ITPR3: variants seen among roughly 807,000 people sequenced by gnomAD.
The protein encoded by ITPR3 is inositol 1,4,5-trisphosphate-gated calcium channel ITPR3.
ITPR3 carries 173 observed loss-of-function variants against 293.2 expected under a neutral mutation model. That is an observed-to-expected ratio of 0.59 (90% CI 0.52 to 0.67). The LOEUF is 0.67. Ranked by LOEUF, ITPR3 falls within the 30% of genes least tolerant of loss-of-function variation. ITPR3 has a pLI of 0.00. For synonymous variants in ITPR3, 1,295 were observed against 1,444.4 expected, an observed-to-expected ratio of 0.90 and a Z score of 2.35; for missense variants, 2,796 against 3,592.1, an observed-to-expected ratio of 0.78 and a Z score of 5.66.
In ITPR3 at chr6:33,661,699, A is replaced by G. The variant is rs373253929; in HGVS notation, c.712-829A>G. On this transcript the variant is annotated intron_variant, in intron 7 of 57. Coordinates refer to ENST00000605930, the MANE Select transcript of ITPR3 (RefSeq NM_002224.4). ...CTTATCTGAGGTCACACAGCTTTTA[A>G]GAGCAGAGACAGAGGCCGGGCACAG... Among the ~76,000 whole-genome samples, 5 of 152,284 alleles carry G rather than the reference A, an allele frequency of 3.3e-5. No individual in the cohort carries two copies. In the South Asian group the frequency reaches 6.2e-4, roughly 19 times the overall value.
chr6:33,675,425 CAA>C lies in ITPR3; in HGVS notation c.3117-252_3117-251del, dbSNP rs59595237. 1.3e-4 allele frequency among the ~76,000 whole-genome samples: 13 copies of C among 97,970 alleles called. No homozygotes were observed. The highest frequency in any genetic ancestry group is 8.6e-5 in the Non-Finnish European group (4 of 46,304). The allele number at this position is 97,970 out of a possible 152,430, so 64.3% of individuals were successfully genotyped here. ...TGGGTGACAGAGCAAGACTCTGTCTCAAAAAAAAAAAAAAAGAGTCCTTGCTT... is the reference window on the plus strand; with the variant it reads ...TGGGTGACAGAGCAAGACTCTGTCTCAAAAAAAAAAAAAGAGTCCTTGCTT... On this transcript the variant is annotated intron_variant, in intron 24 of 57. Transcript: ENST00000605930. This position sits in a 1 kb window ranked among gnomAD's most constrained non-coding sequence, Gnocchi z 5.0.
Position 33,688,298 on chromosome 6 carries a change from G to A in ITPR3, c.6435G>A (p.Gln2145=). The change falls in exon 48 of 58, where the codon CAG becomes CAA. Residue 2145 remains glutamine, a synonymous_variant. Transcript: ENST00000605930. ...TGTTCCCAGTGCCCGGCATCTGCCA[G>A]TTCCTGACGGAGGAAACCAAGCACC... ...QIVFPVPGIC[Q]FLTEETKHRL... The A allele has an allele frequency of 5.6e-6, 9 of 1,614,220 alleles. No individual in the cohort carries two copies. The highest frequency in any genetic ancestry group is 7.6e-6 in the Non-Finnish European group (9 of 1,180,030).
chr6:33,687,462 C>T lies in ITPR3; in HGVS notation c.6178-16C>T, dbSNP rs368205152. Reference sequence around the variant, plus strand: ...CAGCCACCACACCCTGGTGACTGTGCTGCCATTTCCCTCAGCTCTCCAGGC... The same window carrying T: ...CAGCCACCACACCCTGGTGACTGTGTTGCCATTTCCCTCAGCTCTCCAGGC... On this transcript the variant is annotated splice_polypyrimidine_tract_variant and intron_variant, in intron 45 of 57. Coordinates refer to ENST00000605930, the MANE Select transcript of ITPR3 (RefSeq NM_002224.4). The surrounding 1 kb of genome is among the most constrained non-coding windows in gnomAD (Gnocchi z 5.3). 3.7e-6 allele frequency: 6 copies of T among 1,604,238 alleles called. No homozygotes were observed. The highest frequency in any genetic ancestry group is 1.1e-5 in the South Asian group (1 of 89,756).
rs141841940 is a variant in ITPR3 at position 33,679,270 on chromosome 6, A to G, written c.3972+431A>G. 8.5e-5 allele frequency among the ~76,000 whole-genome samples: 13 copies of G among 152,234 alleles called. No individual in the cohort carries two copies. In the East Asian group the frequency reaches 2.5e-3, roughly 29 times the overall value. ...TCGCCAGGGCCCCAGTGTGTGGCGCATAGTAGGTTCTCAACAGACACCTGT... is the reference window on the plus strand; with the variant it reads ...TCGCCAGGGCCCCAGTGTGTGGCGCGTAGTAGGTTCTCAACAGACACCTGT... On this transcript the variant is annotated intron_variant, in intron 30 of 57. Transcript: ENST00000605930. The surrounding 1 kb of genome is among the most constrained non-coding windows in gnomAD (Gnocchi z 4.2).
Position 33,669,160 on chromosome 6 carries a change from C to T in ITPR3, c.2189+4C>T, listed in dbSNP as rs746813443. The T allele has an allele frequency of 6.2e-7, 1 of 1,611,804 alleles. No individual in the cohort carries two copies. Among genetic ancestry groups the T allele is most frequent in the South Asian group, 1.1e-5 (1 of 90,830 alleles). On this transcript the variant is annotated splice_donor_region_variant and intron_variant, in intron 18 of 57. Coordinates refer to ENST00000605930, the MANE Select transcript of ITPR3 (RefSeq NM_002224.4). The stretch of plus-strand genomic sequence containing the variant: ...AGAATGTGCTCAGCTACTACAGGTG[C>T]CCCGCCCCAGCTCCTCCCCTCCCTC...
intron 25 of ITPR3, 47 bp from the exon 26 acceptor site, chr6:33,676,721 T>C: frequency 6.2e-7 from 1 of 1,606,654 alleles, no homozygotes. Flanking sequence ...CTAAGTGGCA[T>C]GGACCTGGAG....
chr6:33,621,705 G>T lies in ITPR3; in HGVS notation c.89+14G>T, dbSNP rs753229155. 17 of 1,587,842 alleles carry T rather than the reference G, an allele frequency of 1.1e-5. No individual in the cohort carries two copies. Among genetic ancestry groups the T allele is most frequent in the Non-Finnish European group, 1.5e-5 (17 of 1,165,528 alleles). On this transcript the variant is annotated intron_variant, in intron 1 of 57. Transcript: ENST00000605930. This position sits in a 1 kb window ranked among gnomAD's most constrained non-coding sequence, Gnocchi z 7.7. ...CAGCACTTTGGGGTGAGTGAGCCGA[G>T]CTCGAGAGGGGCGCGGGTAAAGAGG... is the stretch of plus-strand genomic sequence containing the variant.
intron 43 of ITPR3, 63 bp downstream of exon 43, chr6:33,686,582 T>C: frequency 7.9e-7 from 1 of 1,267,518 alleles, no homozygotes; most frequent in Non-Finnish European, 1.2e-6. Flanking sequence ...CATGTATGTG[T>C]GACTTGTGTG....
chr6:33,638,436 C>T lies in ITPR3; in HGVS notation c.90-2048C>T, dbSNP rs990590095. On this transcript the variant is annotated intron_variant, in intron 1 of 57. Transcript: ENST00000605930. This position sits in a 1 kb window ranked among gnomAD's most constrained non-coding sequence, Gnocchi z 4.3. The stretch of plus-strand genomic sequence containing the variant: ...ACCCTCAAATTACACGGTTATTCCC[C>T]GGCAGCCCCATCCTCAGGGGCTTTC... Among the ~76,000 whole-genome samples the T allele has an allele frequency of 2.0e-5, 3 of 152,164 alleles. No individual in the cohort carries two copies. Among genetic ancestry groups the T allele is most frequent in the Non-Finnish European group, 4.4e-5 (3 of 68,024 alleles).
chr6:33,625,008 CA>C (rs1362605445), intron 1 of ITPR3, among the ~76,000 whole-genome samples: 3 of 152,188 alleles, frequency 2.0e-5, no homozygotes, highest in African/African-American at 7.2e-5. Flanking sequence ...AGCCGGCCAG[CA>C]AGGGAAAGCA....
At chr6:33,685,106 G>C (rs1385989105) in intron 39 of ITPR3, among the ~76,000 whole-genome samples, 163 bp downstream of exon 39, 1 of 152,228 alleles carries the variant, frequency 6.6e-6, no homozygotes, top group Non-Finnish European at 1.5e-5. Context: ...GGGCAGGGTG[G>C]TGAGGAGACG....
Position 33,695,732 on chromosome 6 carries a change from C to T in ITPR3, c.7968C>T (p.Arg2656=), listed in dbSNP as rs773669944. The change falls in exon 58 of 58, where the codon CGC becomes CGT. Residue 2656 remains arginine (R), a synonymous_variant. Coordinates refer to ENST00000605930, the MANE Select transcript of ITPR3 (RefSeq NM_002224.4). ...CCTAGATGACGGAGCAGCGGAAACG[C>T]AGGCAACGCCTAGGCTTTGTGGATG... ...LKEQMTEQRK[R]RQRLGFVDVQ... is the part of the protein sequence containing the mutation. The T allele has an allele frequency of 3.1e-6, 5 of 1,614,058 alleles. No homozygotes were observed. Among genetic ancestry groups the T allele is most frequent in the Non-Finnish European group, 4.2e-6 (5 of 1,180,052 alleles).
At chr6:33,661,395 T>C (rs1441852255) in intron 7 of ITPR3, among the ~76,000 whole-genome samples, 1 of 152,206 alleles carries the variant, frequency 6.6e-6, no homozygotes, top group East Asian at 1.9e-4. Flanking sequence ...CAAAGATTCA[T>C]GTCCCATTTG....
chr6:33,686,569 A>T, intron 43 of ITPR3, 50 bp downstream of exon 43: 1 of 1,361,642 alleles, frequency 7.3e-7, no homozygotes. Flanking sequence ...TGTGATGTGC[A>T]TGCATGTATG....
intron 13 of ITPR3, 144 bp from the exon 14 acceptor site, chr6:33,665,691 A>G: frequency 1.2e-6 from 1 of 864,292 alleles, no homozygotes; most frequent in South Asian, 1.7e-5. Context: ...GGGAAGAGGA[A>G]TTGTAGGCTG....
intron 30 of ITPR3, 145 bp downstream of exon 30, chr6:33,678,984 G>A (rs1561874583): frequency 2.4e-6 from 2 of 820,204 alleles, no homozygotes; most frequent in Non-Finnish European, 3.9e-6. Context: ...GGACGCAGAG[G>A]GAGAAGTGAG....
chr6:33,626,351 T>A (rs529410740), intron 1 of ITPR3, among the ~76,000 whole-genome samples: 1 of 152,214 alleles, frequency 6.6e-6, no homozygotes, highest in African/African-American at 2.4e-5. Flanking sequence ...AAAAAAAAAA[T>A]TTCAGCTCCC....
intron 2 of ITPR3, among the ~76,000 whole-genome samples, chr6:33,641,607 G>A (rs767980885): frequency 2.6e-5 from 4 of 151,848 alleles, no homozygotes; most frequent in Non-Finnish European, 2.9e-5. Context: ...TGGACGAACC[G>A]CACCACCATA....
chr6:33,695,910 C>T lies in ITPR3; in HGVS notation c.*130C>T, dbSNP rs1291824763. The T allele has an allele frequency of 1.3e-6, 1 of 774,072 alleles. No homozygotes were observed. The highest frequency in any genetic ancestry group is 2.2e-6 in the Non-Finnish European group (1 of 459,822). 48.0% of individuals were successfully genotyped at this position (774,072 alleles called of 1,614,324 possible). On this transcript the variant is annotated 3_prime_UTR_variant, in exon 58 of 58. Transcript: ENST00000605930. ...GCCTCCACTCCCACTCTGCCAGACA[C>T]CCTGACACCCACCCAGGCTTTGAAG... is the stretch of plus-strand genomic sequence containing the variant.
Sources: allele counts gnomAD v4.1 joint callset (sites outside exome capture counted in the v4.1 genomes callset), GRCh38; gene constraint gnomAD v4.1.1; non-coding constraint Gnocchi (gnomAD v3.1); transcripts MANE v1.5; gene names NCBI Gene and HGNC (gene_info 2026-07-23, HGNC 2026-07-21).